The following NPFFR2 variants were observed in gnomAD, a reference collection of about 807,000 sequenced individuals.
NPFFR2 encodes G-protein coupled receptor 74.
Under a neutral mutation model 13.1 loss-of-function variants are expected in NPFFR2, and 15 were observed. The observed-to-expected ratio is 1.15, with a 90% CI of 0.77 to 1.76. The LOEUF is 1.76. Ranked by LOEUF, NPFFR2 falls within the 40% of genes most tolerant of loss-of-function variation. The pLI is 0.00. For synonymous variants in NPFFR2, 190 were observed against 175.7 expected, an observed-to-expected ratio of 1.08 and a Z score of -0.65; for missense variants, 572 against 503.5, an observed-to-expected ratio of 1.14 and a Z score of -1.30.
intron 1 of NPFFR2, among the ~76,000 whole-genome samples, chr4:72,091,197 C>T (rs6446812): frequency 0.95 from 144,957 of 152,198 alleles, 69,451 homozygotes; most frequent in East Asian, 1. Context: ...TTGATCAAGG[C>T]GTATTATCTT....
At chr4:72,102,189 A>G (rs929682237) in intron 1 of NPFFR2, among the ~76,000 whole-genome samples, 1 of 152,118 alleles carries the variant, frequency 6.6e-6, no homozygotes, top group African/African-American at 2.4e-5. Flanking sequence ...ATCAAGAATT[A>G]AAAAAGACAA....
intron 1 of NPFFR2, among the ~76,000 whole-genome samples, chr4:72,093,612 T>A (rs1464532607): frequency 1.4e-5 from 2 of 146,948 alleles, no homozygotes; most frequent in African/African-American, 4.9e-5. Context: ...TTCTATTTGT[T>A]TGATTCTATT....
chr4:72,127,160 T>C (rs1295831473), intron 1 of NPFFR2, among the ~76,000 whole-genome samples: 1 of 149,876 alleles, frequency 6.7e-6, no homozygotes, highest in Non-Finnish European at 1.5e-5. Flanking sequence ...AAAAATTCGC[T>C]GGGCGTGGTG....
chr4:72,092,962 G>C (rs1303526300), intron 1 of NPFFR2, among the ~76,000 whole-genome samples: 1 of 151,918 alleles, frequency 6.6e-6, no homozygotes, highest in Admixed American at 6.6e-5. Flanking sequence ...GTTCTATTTT[G>C]GTATATTTTG....
At chr4:72,109,092 G>A (rs77918881) in intron 1 of NPFFR2, among the ~76,000 whole-genome samples, 1,661 of 152,040 alleles carry the variant, frequency 0.011, 37 homozygotes, top group African/African-American at 0.038. Flanking sequence ...TATCAATCAG[G>A]GCAATGTGTC....
chr4:72,039,065 T>A (rs978408228), intron 1 of NPFFR2: 1 of 150,830 alleles, frequency 6.6e-6, no homozygotes, highest in Non-Finnish European at 1.5e-5. Flanking sequence ...TTTTTGTTTT[T>A]TTTTGTTTTT....
intron 1 of NPFFR2, among the ~76,000 whole-genome samples, chr4:72,082,586 T>C (rs1720659359): frequency 6.6e-6 from 1 of 152,212 alleles, no homozygotes; most frequent in Non-Finnish European, 1.5e-5. Context: ...TTGATATATA[T>C]GTATTGTGGA....
At chr4:72,142,407 C>G (rs1037394795) in intron 3 of NPFFR2, among the ~76,000 whole-genome samples, 2 of 152,178 alleles carry the variant, frequency 1.3e-5, no homozygotes, top group African/African-American at 2.4e-5. Flanking sequence ...ATGCCCCGTC[C>G]TGCTTTGGCT....
chr4:72,060,016 A>G (rs6850234), intron 1 of NPFFR2, among the ~76,000 whole-genome samples: 135,389 of 151,848 alleles, frequency 0.89, 61,448 homozygotes, highest in Non-Finnish European at 0.98. Context: ...AGGCAGTGAT[A>G]TATGATGCTT....
At chr4:72,096,947 G>T in intron 1 of NPFFR2, among the ~76,000 whole-genome samples, 1 of 151,914 alleles carries the variant, frequency 6.6e-6, no homozygotes, top group Non-Finnish European at 1.5e-5. Flanking sequence ...ATAAAATATT[G>T]TTAAAAGTTT....
Position 72,139,855 on chromosome 4 carries a change from G to A in NPFFR2, c.428+1716G>A, listed in dbSNP as rs188443676. Among the ~76,000 whole-genome samples the A allele has an allele frequency of 9.3e-4, 142 of 152,268 alleles. 1 individual carries two copies. Among genetic ancestry groups the A allele is most frequent in the African/African-American group, 3.3e-3 (139 of 41,556 alleles). ...TCTATAAATTACCTTGGGCAGTATGGTCATTTTCACGATATTGATTCTTTC... is the reference window on the plus strand; with the variant it reads ...TCTATAAATTACCTTGGGCAGTATGATCATTTTCACGATATTGATTCTTTC... On this transcript the variant is annotated intron_variant, in intron 3 of 3. Transcript: ENST00000308744.
intron 3 of NPFFR2, among the ~76,000 whole-genome samples, chr4:72,140,185 C>G (rs2109845820): frequency 6.6e-6 from 1 of 152,270 alleles, no homozygotes; most frequent in East Asian, 1.9e-4. Context: ...TCTAAATATA[C>G]AATGACGTCA....
At position 72,147,472 on chromosome 4, in the gene NPFFR2, A is replaced by G. The variant is rs746537838; in HGVS notation, c.923A>G (p.Gln308Arg). 1 of 1,614,208 alleles carries G rather than the reference A, an allele frequency of 6.2e-7. No homozygotes were observed. Among genetic ancestry groups the G allele is most frequent in the Non-Finnish European group, 8.5e-7 (1 of 1,180,034 alleles). Residue 308 changes from glutamine to arginine, a missense_variant, in exon 4 of 4, where the codon CAG becomes CGG. Transcript: ENST00000308744. The stretch of plus-strand genomic sequence containing the variant: ...GCTGACCTTTCTCCAAATGAACTGC[A>G]GATCATCAACATCTACATCTACCCT... ...DYADLSPNEL[Q>R]IINIYIYPFA...
intron 1 of NPFFR2, among the ~76,000 whole-genome samples, chr4:72,035,545 C>A (rs370649495): frequency 2.4e-4 from 36 of 152,252 alleles, no homozygotes; most frequent in African/African-American, 8.4e-4. Context: ...AAATATTAAA[C>A]TTAATGCCAC....
chr4:72,134,343 C>T (rs1272836857), intron 2 of NPFFR2, among the ~76,000 whole-genome samples: 2 of 151,030 alleles, frequency 1.3e-5, no homozygotes, highest in African/African-American at 4.9e-5. Flanking sequence ...GCAATTTTTG[C>T]TTTTTTTTTG....
chr4:72,116,881 A>C (rs1721727371), intron 1 of NPFFR2, among the ~76,000 whole-genome samples: 1 of 152,064 alleles, frequency 6.6e-6, no homozygotes, highest in African/African-American at 2.4e-5. Context: ...GGGTCCACCC[A>C]ACTGGACAGT....
chr4:72,034,810 C>A (rs1482108522), intron 1 of NPFFR2, among the ~76,000 whole-genome samples: 1 of 152,108 alleles, frequency 6.6e-6, no homozygotes, highest in South Asian at 2.1e-4. Context: ...CTCCATTAAA[C>A]TAGAAGGAAA....
At chr4:72,093,963 T>A (rs528021635) in intron 1 of NPFFR2, among the ~76,000 whole-genome samples, 1 of 152,306 alleles carries the variant, frequency 6.6e-6, no homozygotes, top group South Asian at 2.1e-4. Context: ...GGGCAGACTA[T>A]GTTAGAGGGC....
intron 1 of NPFFR2, 139 bp downstream of exon 1, chr4:72,032,339 A>C: frequency 5.3e-6 from 5 of 940,120 alleles, no homozygotes; most frequent in Non-Finnish European, 7.8e-6. Flanking sequence ...TCCTAATTAC[A>C]CAGGCACCCG....
Sources: gnomAD v4.1 joint callset for allele counts (sites outside exome capture counted in the v4.1 genomes callset) on GRCh38, gnomAD v4.1.1 for gene constraint, MANE v1.5 for transcripts, NCBI Gene and HGNC (gene_info 2026-07-23, HGNC 2026-07-21) for gene names.